The following SEL1L variants were observed in gnomAD, a reference collection of about 807,000 sequenced individuals.
SEL1L encodes SEL1L adaptor subunit of SYVN1 ubiquitin ligase, also known as protein sel-1 homolog 1.
In SEL1L, 52 loss-of-function variants were observed where a neutral mutation model predicts 109.8. The observed-to-expected ratio is 0.47, with a 90% CI of 0.38 to 0.60. The LOEUF is 0.60. SEL1L is among the 20% of genes least tolerant of loss of function. SEL1L has a pLI of 0.00. For missense variants in SEL1L, 749 were observed against 962.2 expected (o/e 0.78, Z 2.93); for synonymous variants, 373 against 339.6 (o/e 1.10, Z -1.08).
At position 81,473,288 on chromosome 14, in the gene SEL1L, T is replaced by C. The variant is rs553718359; in HGVS notation, c.*3684A>G. 4 of 152,200 alleles carry C rather than the reference T, an allele frequency of 2.6e-5. No individual in the cohort carries two copies. The highest frequency in any genetic ancestry group is 5.9e-5 in the Non-Finnish European group (4 of 68,024). 9.4% of individuals were successfully genotyped at this position (152,200 alleles called of 1,614,324 possible). A position where few individuals can be genotyped will look rare whatever the true frequency, so the allele number is the denominator to read the frequency against. On this transcript the variant is annotated 3_prime_UTR_variant, in exon 21 of 21. Coordinates refer to ENST00000336735, the MANE Select transcript of SEL1L (RefSeq NM_005065.6). ...CCCTGCACATAACCAAGGAATCCTT[T>C]TCATGCACACAACATTGGACTTTTA...
At chr14:81,498,521 C>A (rs375406022) in intron 8 of SEL1L, 27 bp from the exon 9 acceptor site, 2 of 1,548,198 alleles carry the variant, frequency 1.3e-6, no homozygotes, top group Middle Eastern at 1.7e-4. Flanking sequence ...CGTGAGGAGG[C>A]AGCAGTTTCA....
At chr14:81,530,678 A>G (rs974553486) in intron 1 of SEL1L, among the ~76,000 whole-genome samples, 24 of 152,342 alleles carry the variant, frequency 1.6e-4, no homozygotes, top group African/African-American at 5.8e-4. Context: ...ATATCTTTTT[A>G]GTGTCCTCCT....
At chr14:81,511,521 C>A (rs866132406) in intron 3 of SEL1L, among the ~76,000 whole-genome samples, 36 of 152,154 alleles carry the variant, frequency 2.4e-4, no homozygotes, top group African/African-American at 8.2e-4. Flanking sequence ...AGGATGGTCT[C>A]CTAAAGGAGT....
chr14:81,486,507 C>A, intron 16 of SEL1L, 53 bp from the exon 17 acceptor site: 6 of 1,571,562 alleles, frequency 3.8e-6, no homozygotes, highest in Non-Finnish European at 5.2e-6. Flanking sequence ...GAAAGATATA[C>A]CAGAAAATCA....
chr14:81,516,184 C>T (rs1053775350), intron 3 of SEL1L, among the ~76,000 whole-genome samples: 2 of 152,214 alleles, frequency 1.3e-5, no homozygotes, highest in African/African-American at 4.8e-5. Context: ...GTGCCCAGGC[C>T]AAGCGCCAGC....
chr14:81,477,448 T>G (rs1903200421), intron 20 of SEL1L, among the ~76,000 whole-genome samples: 1 of 152,108 alleles, frequency 6.6e-6, no homozygotes, highest in Admixed American at 6.5e-5. Flanking sequence ...CAGTGTTCTT[T>G]CCACCAGTAA....
chr14:81,516,994 G>C (rs1884726479), intron 3 of SEL1L, among the ~76,000 whole-genome samples: 2 of 152,178 alleles, frequency 1.3e-5, no homozygotes, highest in African/African-American at 4.8e-5. Context: ...TAAACCTGGG[G>C]ATGGTTTAGG....
At chr14:81,480,499 G>A (rs1403359510) in intron 19 of SEL1L, among the ~76,000 whole-genome samples, 2 of 152,162 alleles carry the variant, frequency 1.3e-5, no homozygotes, top group Non-Finnish European at 2.9e-5. Flanking sequence ...CGAGGCAGGA[G>A]GATCACTTGA....
At chr14:81,498,336 A>G (rs1444595510) in intron 9 of SEL1L, 77 bp downstream of exon 9, 6 of 1,223,632 alleles carry the variant, frequency 4.9e-6, no homozygotes, top group Non-Finnish European at 5.8e-6. Context: ...TTCAAATAGA[A>G]CAATAAAAAT....
At chr14:81,508,355 T>C (rs754910786) in intron 3 of SEL1L, among the ~76,000 whole-genome samples, 2 of 152,102 alleles carry the variant, frequency 1.3e-5, no homozygotes, top group Non-Finnish European at 2.9e-5. Flanking sequence ...AGGAATCCTT[T>C]AGCAACAACT....
At position 81,476,210 on chromosome 14, in the gene SEL1L, G is replaced by C. The variant is rs1262816992; in HGVS notation, c.*762C>G. 2 of 152,176 alleles carry C rather than the reference G, an allele frequency of 1.3e-5. No individual in the cohort carries two copies. Among genetic ancestry groups the C allele is most frequent in the African/African-American group, 4.8e-5 (2 of 41,436 alleles). 9.4% of individuals were successfully genotyped at this position (152,176 alleles called of 1,614,324 possible). A position where few individuals can be genotyped will look rare whatever the true frequency, so the allele number is the denominator to read the frequency against. ...ATTCAAAACAAACAAGCAAATTACAGAGTAGGTGGGGCAAACTCGCGTTAG... is the reference window on the plus strand; with the variant it reads ...ATTCAAAACAAACAAGCAAATTACACAGTAGGTGGGGCAAACTCGCGTTAG... On this transcript the variant is annotated 3_prime_UTR_variant, in exon 21 of 21. Transcript: ENST00000336735.
intron 6 of SEL1L, among the ~76,000 whole-genome samples, chr14:81,500,409 T>C (rs1287192418): frequency 6.6e-6 from 1 of 151,886 alleles, no homozygotes; most frequent in Non-Finnish European, 1.5e-5. Context: ...ATTTCCTTTT[T>C]GTATTTTTAG....
intron 6 of SEL1L, among the ~76,000 whole-genome samples, chr14:81,501,132 T>C (rs1173215436): frequency 6.6e-6 from 1 of 152,176 alleles, no homozygotes; most frequent in Non-Finnish European, 1.5e-5. Flanking sequence ...AAGCCCCGTG[T>C]AGCAATCAGT....
intron 15 of SEL1L, 134 bp downstream of exon 15, chr14:81,487,721 C>A: frequency 2.0e-6 from 3 of 1,507,972 alleles, no homozygotes; most frequent in Non-Finnish European, 2.6e-6. Flanking sequence ...ACAAGATGTA[C>A]AAATCATTGA....
At chr14:81,530,064 A>G (rs1566630011) in intron 1 of SEL1L, among the ~76,000 whole-genome samples, 1 of 152,210 alleles carries the variant, frequency 6.6e-6, no homozygotes, top group Non-Finnish European at 1.5e-5. Context: ...TTTTATTTTT[A>G]TTGTATTAGC....
chr14:81,486,311 A>G lies in SEL1L; in HGVS notation c.1776T>C (p.Asn592=), dbSNP rs1049910600. 3 of 1,614,160 alleles carry G rather than the reference A, an allele frequency of 1.9e-6. No individual in the cohort carries two copies. Among genetic ancestry groups the G allele is most frequent in the African/African-American group, 2.7e-5 (2 of 75,058 alleles). Residue 592 remains asparagine, a synonymous_variant, in exon 17 of 21, where the codon AAT becomes AAC. Coordinates refer to ENST00000336735, the MANE Select transcript of SEL1L (RefSeq NM_005065.6). ...TACTCTGATCAAGAATAAAGGCTGCATTGCTTTGTGCCACTTCATAGCCCT... is the reference window on the plus strand; with the variant it reads ...TACTCTGATCAAGAATAAAGGCTGCGTTGCTTTGTGCCACTTCATAGCCCT... The part of the protein sequence containing the change: ...AEQGYEVAQS[N]AAFILDQREA...
intron 3 of SEL1L, among the ~76,000 whole-genome samples, chr14:81,510,107 C>G (rs1258375983): frequency 6.6e-6 from 1 of 152,070 alleles, no homozygotes; most frequent in Non-Finnish European, 1.5e-5. Flanking sequence ...GAACCAGCAG[C>G]CAACTGAAGA....
At chr14:81,489,808 G>A (rs1883471843) in intron 13 of SEL1L, among the ~76,000 whole-genome samples, 2 of 152,006 alleles carry the variant, frequency 1.3e-5, no homozygotes, top group Non-Finnish European at 2.9e-5. Flanking sequence ...GAAAATCACT[G>A]TTTTGGGACT....
At chr14:81,527,586 C>T in intron 2 of SEL1L, 115 bp downstream of exon 2, 2 of 692,970 alleles carry the variant, frequency 2.9e-6, no homozygotes, top group East Asian at 2.9e-5. Context: ...TTTTTCTGTC[C>T]TTTTTAATTC....
Sources: allele counts gnomAD v4.1 joint callset (sites outside exome capture counted in the v4.1 genomes callset), GRCh38; gene constraint gnomAD v4.1.1; transcripts MANE v1.5; gene names NCBI Gene and HGNC (gene_info 2026-07-23, HGNC 2026-07-21).